Variants in SCHIP1 observed in about 807,000 individuals in gnomAD.
The protein encoded by SCHIP1 is schwannomin interacting protein 1, also known as schwannomin-interacting protein 1.
Under a neutral mutation model 29.7 loss-of-function variants are expected in SCHIP1, and 8 were observed. That is an observed-to-expected ratio of 0.27 (90% confidence interval 0.16 to 0.49). The LOEUF is 0.49. SCHIP1 is among the 20% of genes least tolerant of loss of function. The pLI, the probability that SCHIP1 is intolerant of heterozygous loss-of-function variation, is 0.99. For missense variants in SCHIP1, 193 were observed against 294.6 expected (o/e 0.66, Z 2.52); for synonymous variants, 76 against 94.9 (o/e 0.80, Z 1.16).
the SCHIP1 span, among the ~76,000 whole-genome samples, chr3:159,614,872 T>C: frequency 1.2e-4 from 19 of 152,316 alleles, no homozygotes; most frequent in Non-Finnish European, 2.5e-4. Flanking sequence ...GCTAGGTGCG[T>C]GCAAGGGACA....
At chr3:159,603,802 G>T in the SCHIP1 span, among the ~76,000 whole-genome samples, 1 of 152,068 alleles carries the variant, frequency 6.6e-6, no homozygotes, top group Admixed American at 6.5e-5. Flanking sequence ...CTTAAGACTG[G>T]GAAGTTCAAC....
the SCHIP1 span, among the ~76,000 whole-genome samples, chr3:159,446,185 T>A: frequency 2.6e-5 from 4 of 151,894 alleles, no homozygotes; most frequent in Non-Finnish European, 5.9e-5. Context: ...GTAATATAAC[T>A]TTTTTTATTT....
At chr3:159,603,879 A>T in the SCHIP1 span, among the ~76,000 whole-genome samples, 1,868 of 152,300 alleles carry the variant, frequency 0.012, 29 homozygotes, top group African/African-American at 0.042. Flanking sequence ...GAGGGAGCAC[A>T]GGACATCACA....
the SCHIP1 span, among the ~76,000 whole-genome samples, chr3:159,680,680 A>AT: frequency 4.2e-5 from 3 of 70,664 alleles, no homozygotes; most frequent in South Asian, 9.9e-4. Flanking sequence ...TTATATATAT[A>AT]ATATATGTAT....
the SCHIP1 span, among the ~76,000 whole-genome samples, chr3:159,793,056 G>C: frequency 1.3e-5 from 2 of 152,134 alleles, no homozygotes; most frequent in Non-Finnish European, 2.9e-5. Context: ...TGGATGACAA[G>C]AGCTGTGTAC....
the SCHIP1 span, among the ~76,000 whole-genome samples, chr3:159,626,207 G>GATATATCTAGATATAT: frequency 8.7e-6 from 1 of 114,360 alleles, no homozygotes; most frequent in Non-Finnish European, 1.6e-5. Context: ...TAGATAGATA[G>GATATATCTAGATATAT]ATATATCTAG....
chr3:159,539,412 A>G, the SCHIP1 span, among the ~76,000 whole-genome samples: 1 of 137,082 alleles, frequency 7.3e-6, no homozygotes, highest in South Asian at 2.4e-4. Flanking sequence ...TTAATTTAGT[A>G]TATCAAAGTT....
At chr3:159,451,710 AC>A in the SCHIP1 span, among the ~76,000 whole-genome samples, 3 of 152,306 alleles carry the variant, frequency 2.0e-5, no homozygotes, top group Admixed American at 2.0e-4. Context: ...GATAAATATA[AC>A]TGTCTCTGCC....
the SCHIP1 span, among the ~76,000 whole-genome samples, chr3:159,573,960 C>T: frequency 1.4e-4 from 21 of 152,338 alleles, no homozygotes; most frequent in South Asian, 4.1e-3. Flanking sequence ...TCAGCTCCAT[C>T]AGGTCATTTA....
the SCHIP1 span, among the ~76,000 whole-genome samples, chr3:159,686,596 G>T: frequency 6.6e-6 from 1 of 152,120 alleles, no homozygotes; most frequent in African/African-American, 2.4e-5. Flanking sequence ...AATTTTTAAA[G>T]CTTGAAGATA....
At chr3:159,527,631 A>G in the SCHIP1 span, among the ~76,000 whole-genome samples, 1 of 152,254 alleles carries the variant, frequency 6.6e-6, no homozygotes, top group Admixed American at 6.5e-5. Flanking sequence ...ATCTATTAAT[A>G]AAGAATTTTT....
At chr3:159,449,794 A>G in the SCHIP1 span, among the ~76,000 whole-genome samples, 2 of 152,168 alleles carry the variant, frequency 1.3e-5, no homozygotes, top group Non-Finnish European at 2.9e-5. Context: ...AAACAGGTTG[A>G]ACTTCAATTT....
chr3:159,590,181 G>A, the SCHIP1 span, among the ~76,000 whole-genome samples: 1 of 152,062 alleles, frequency 6.6e-6, no homozygotes, highest in Admixed American at 6.6e-5. Context: ...ACAAGGTCAA[G>A]GCAAAGGTTC....
At chr3:159,362,941 T>A in the SCHIP1 span, among the ~76,000 whole-genome samples, 1 of 152,162 alleles carries the variant, frequency 6.6e-6, no homozygotes, top group Non-Finnish European at 1.5e-5. Flanking sequence ...TGTACTGGGG[T>A]AACTGGGCCC....
At chr3:159,686,605 T>C in the SCHIP1 span, among the ~76,000 whole-genome samples, 3 of 152,182 alleles carry the variant, frequency 2.0e-5, no homozygotes, top group South Asian at 2.1e-4. Context: ...AGCTTGAAGA[T>C]ACAGGAAGGC....
At chr3:159,566,734 TA>T in the SCHIP1 span, among the ~76,000 whole-genome samples, 1 of 152,022 alleles carries the variant, frequency 6.6e-6, no homozygotes, top group Non-Finnish European at 1.5e-5. Context: ...CCAGTGTGGC[TA>T]AAACAGACGA....
chr3:159,685,955 T>G, the SCHIP1 span, among the ~76,000 whole-genome samples: 2 of 152,176 alleles, frequency 1.3e-5, no homozygotes, highest in Non-Finnish European at 2.9e-5. Context: ...GGCCAACCAC[T>G]AGAAGTTGTT....
chr3:159,804,663 A>G, the SCHIP1 span, among the ~76,000 whole-genome samples: 1 of 152,192 alleles, frequency 6.6e-6, no homozygotes, highest in African/African-American at 2.4e-5. Context: ...CTCGGTGTAT[A>G]CTTGAGATGC....
At chr3:159,292,837 T>C in the SCHIP1 span, among the ~76,000 whole-genome samples, 2 of 152,222 alleles carry the variant, frequency 1.3e-5, no homozygotes, top group Non-Finnish European at 2.9e-5. Context: ...GGCATCGTAC[T>C]TTTTTGGTTT....
Sources: gnomAD v4.1 joint callset for allele counts (sites outside exome capture counted in the v4.1 genomes callset) on GRCh38, gnomAD v4.1.1 for gene constraint, MANE v1.5 for transcripts, NCBI Gene and HGNC (gene_info 2026-07-23, HGNC 2026-07-21) for gene names.